EHBP1: variants seen among roughly 807,000 people sequenced by gnomAD.
EHBP1 encodes EH domain-binding protein 1.
In EHBP1, 55 loss-of-function variants were observed where a neutral mutation model predicts 144.0. That is an observed-to-expected ratio of 0.38 (90% CI 0.31 to 0.48). The LOEUF is 0.48. Among genes scored for constraint, EHBP1 ranks in the 20% least tolerant of loss-of-function variants. The pLI is 0.98. For synonymous variants in EHBP1, 469 were observed against 472.7 expected, an observed-to-expected ratio of 0.99 and a Z score of 0.10; for missense variants, 1,200 against 1,364.2, an observed-to-expected ratio of 0.88 and a Z score of 1.90.
intron 16 of EHBP1, among the ~76,000 whole-genome samples, chr2:62,993,238 A>G (rs1339506912): frequency 6.6e-6 from 1 of 152,140 alleles, no homozygotes; most frequent in Admixed American, 6.6e-5. Flanking sequence ...GTACAAACTG[A>G]TGACACAGAA....
intron 1 of EHBP1, among the ~76,000 whole-genome samples, chr2:62,679,166 C>T (rs2033419104): frequency 6.6e-6 from 1 of 152,152 alleles, no homozygotes; most frequent in Non-Finnish European, 1.5e-5. Flanking sequence ...TGACCTCCCA[C>T]AACAATTTAA....
intron 2 of EHBP1, among the ~76,000 whole-genome samples, chr2:62,746,477 T>A (rs1235746025): frequency 6.6e-6 from 1 of 152,036 alleles, no homozygotes; most frequent in Non-Finnish European, 1.5e-5. Flanking sequence ...GAACAGGACA[T>A]AGAAAGTGGT....
rs1227343642 is a variant in EHBP1 at position 62,706,988 on chromosome 2, T to C, written c.-204T>C. 1 of 538,028 alleles carries C rather than the reference T, an allele frequency of 1.9e-6. No homozygotes were observed. Among genetic ancestry groups the C allele is most frequent in the Non-Finnish European group, 3.4e-6 (1 of 297,440 alleles). The allele number at this position is 538,028 out of a possible 1,614,324, so 33.3% of individuals were successfully genotyped here. A position where few individuals can be genotyped will look rare whatever the true frequency, so the allele number is the denominator to read the frequency against. ...CCCACTCATCCTGTCACGTATATCA[T>C]AGTGTTCTTGACTGGGCCATTCATC... is the stretch of plus-strand genomic sequence containing the variant. On this transcript the variant is annotated 5_prime_UTR_variant, in exon 2 of 23. Coordinates refer to ENST00000431489, the MANE Select transcript of EHBP1 (RefSeq NM_001142616.3).
At chr2:62,855,308 C>G (rs1220984827) in intron 7 of EHBP1, among the ~76,000 whole-genome samples, 1 of 152,230 alleles carries the variant, frequency 6.6e-6, no homozygotes, top group East Asian at 1.9e-4. Context: ...CCCCTGCCAC[C>G]TCGGCAGCAG....
chr2:62,894,927 A>AAGAGAGAGAGAG (rs57403564), intron 10 of EHBP1, among the ~76,000 whole-genome samples: 2,836 of 141,120 alleles, frequency 0.02, 74 homozygotes, highest in Admixed American at 0.059. Flanking sequence ...AACAGAAAGA[A>AAGAGAGAGAGAG]AGAGAGAGAG....
At chr2:63,044,298 A>G (rs543140224) in intron 21 of EHBP1, 10 of 151,150 alleles carry the variant, frequency 6.6e-5, no homozygotes, top group African/African-American at 2.4e-4. Flanking sequence ...ATCCATGGAA[A>G]GAGCACTGCC....
intron 10 of EHBP1, among the ~76,000 whole-genome samples, chr2:62,917,363 A>G (rs2054708924): frequency 6.6e-6 from 1 of 152,206 alleles, no homozygotes; most frequent in Admixed American, 6.5e-5. Context: ...ATCTTATGGT[A>G]CCACCATCAT....
rs186017238 is a variant in EHBP1, at chr2:62,679,720, A to T, written c.-296+5637A>T. Among the ~76,000 whole-genome samples the T allele has an allele frequency of 1.0e-3, 155 of 152,324 alleles. 3 individuals carry two copies. The East Asian group carries it at 0.027, about 27-fold the overall frequency. On this transcript the variant is annotated intron_variant, in intron 1 of 22. Transcript: ENST00000405015. The stretch of plus-strand genomic sequence containing the variant: ...CTAAAAGTTGGCAAAAAACATTTTT[A>T]AAAAAATAAAATGGCATTGGCTATT...
intron 15 of EHBP1, among the ~76,000 whole-genome samples, chr2:62,986,086 A>G (rs138741075): frequency 1.3e-3 from 198 of 152,314 alleles, no homozygotes; most frequent in Middle Eastern, 3.4e-3. Flanking sequence ...GCAGCAAAAA[A>G]GTACTACATT....
intron 2 of EHBP1, among the ~76,000 whole-genome samples, chr2:62,746,899 G>A (rs547070967): frequency 1.2e-4 from 19 of 152,046 alleles, no homozygotes; most frequent in Admixed American, 2.0e-4. Context: ...TTTCAGTACC[G>A]TATTGTTTTT....
At chr2:62,786,370 G>A (rs1442283915) in intron 5 of EHBP1, among the ~76,000 whole-genome samples, 1 of 152,106 alleles carries the variant, frequency 6.6e-6, no homozygotes. Context: ...CCCAGTGTAA[G>A]TTGCATCACC....
At chr2:62,737,947 T>A (rs2038316072) in intron 2 of EHBP1, among the ~76,000 whole-genome samples, 1 of 152,124 alleles carries the variant, frequency 6.6e-6, no homozygotes, top group South Asian at 2.1e-4. Flanking sequence ...AATTTTTTTG[T>A]AGAGACAAGG....
At chr2:63,029,927 C>T (rs1413356809) in intron 19 of EHBP1, among the ~76,000 whole-genome samples, 2 of 151,978 alleles carry the variant, frequency 1.3e-5, no homozygotes, top group African/African-American at 4.8e-5. Flanking sequence ...GATGGGGTTT[C>T]ACCATGTTGG....
chr2:62,705,702 T>C (rs1179789230), upstream of EHBP1: 3 of 142,468 alleles, frequency 2.1e-5, no homozygotes, highest in Admixed American at 1.4e-4. Context: ...TGAGCTGCCG[T>C]GGGTAGGGTT....
intron 19 of EHBP1, among the ~76,000 whole-genome samples, chr2:63,031,293 G>C (rs2061237634): frequency 6.6e-6 from 1 of 152,104 alleles, no homozygotes; most frequent in African/African-American, 2.4e-5. Context: ...GTGGAGAGCT[G>C]TCAGGGGGAG....
chr2:62,943,960 A>G (rs2056921457), intron 12 of EHBP1, 110 bp downstream of exon 12: 1 of 694,672 alleles, frequency 1.4e-6, no homozygotes, highest in Admixed American at 2.8e-5. Flanking sequence ...ACTACAACTC[A>G]CAGAGGGTTG....
intron 10 of EHBP1, among the ~76,000 whole-genome samples, chr2:62,902,569 G>A (rs1010128051): frequency 2.0e-5 from 3 of 151,790 alleles, no homozygotes; most frequent in Non-Finnish European, 4.4e-5. Flanking sequence ...AAGGGGTATC[G>A]TTAGGAAAAT....
chr2:62,994,210 A>G (rs2059539138), intron 18 of EHBP1: 2 of 273,004 alleles, frequency 7.3e-6, no homozygotes, highest in Non-Finnish European at 1.4e-5. Context: ...TCCTTGAGAC[A>G]TTTCCATCAG....
chr2:62,893,578 A>G (rs1377906997), intron 10 of EHBP1, among the ~76,000 whole-genome samples: 3 of 152,242 alleles, frequency 2.0e-5, no homozygotes, highest in African/African-American at 7.2e-5. Flanking sequence ...TTCCTAAGAA[A>G]TGTTTATTAA....
Sources: allele counts gnomAD v4.1 joint callset (sites outside exome capture counted in the v4.1 genomes callset), GRCh38; gene constraint gnomAD v4.1.1; transcripts MANE v1.5; gene names NCBI Gene and HGNC (gene_info 2026-07-23, HGNC 2026-07-21).